HCN1: variants seen among roughly 807,000 people sequenced by gnomAD.
The protein encoded by HCN1 is hyperpolarization activated cyclic nucleotide gated potassium channel 1, also known as potassium/sodium hyperpolarization-activated cyclic nucleotide-gated channel 1.
HCN1 carries 13 observed loss-of-function variants against 78.9 expected under a neutral mutation model. That is an observed-to-expected ratio of 0.16 (90% CI 0.11 to 0.26). HCN1 has a LOEUF of 0.26. Ranked by LOEUF, HCN1 falls within the 10% of genes least tolerant of loss-of-function variation. The pLI is 1.00. For synonymous variants in HCN1, 552 were observed against 455.5 expected (o/e 1.21, Z -2.70); for missense variants, 810 against 1,154.3 (o/e 0.70, Z 4.32).
intron 5 of HCN1, among the ~76,000 whole-genome samples, chr5:45,322,782 C>T (rs956285356): frequency 5.3e-5 from 8 of 151,756 alleles, no homozygotes; most frequent in Non-Finnish European, 7.4e-5. Flanking sequence ...ATTAGGAATG[C>T]TCAACCTGCA....
intron 2 of HCN1, among the ~76,000 whole-genome samples, chr5:45,581,954 T>TG (rs1744086547): frequency 6.6e-6 from 1 of 152,216 alleles, no homozygotes; most frequent in African/African-American, 2.4e-5. Flanking sequence ...TCAGGTAGTG[T>TG]GATGCCTCCA....
At chr5:45,597,545 C>T (rs1365976285) in intron 2 of HCN1, among the ~76,000 whole-genome samples, 1 of 152,154 alleles carries the variant, frequency 6.6e-6, no homozygotes, top group Non-Finnish European at 1.5e-5. Flanking sequence ...TCCTGTTCAA[C>T]ACAGTGTTGG....
chr5:45,532,246 C>A lies in HCN1; in HGVS notation c.850-70239G>T, dbSNP rs77025567. 0.015 allele frequency among the ~76,000 whole-genome samples: 2,236 copies of A among 152,190 alleles called. 220 individuals are homozygous for A. In the East Asian group the frequency reaches 0.27, roughly 18 times the overall value. ...GGACCACAAATCTTATTATTCTTAA[C>A]AAAACAGAGGCTAAAACAATTGTGG... On this transcript the variant is annotated intron_variant, in intron 2 of 7. Coordinates refer to ENST00000303230, the MANE Select transcript of HCN1 (RefSeq NM_021072.4).
chr5:45,359,967 T>TA lies in HCN1; in HGVS notation c.1231-6722dup, dbSNP rs964477842. Among the ~76,000 whole-genome samples the TA allele has an allele frequency of 2.7e-5, 4 of 150,772 alleles. 1 individual carries two copies. The highest frequency in any genetic ancestry group is 1.9e-4 in the East Asian group (1 of 5,180). ...TATATATATATATATATATTTTTTT[T>TA]ACCTTTCAGTTTTTCAGTTTTTTAT... is the stretch of plus-strand genomic sequence containing the variant. On this transcript the variant is annotated intron_variant, in intron 4 of 7. Coordinates refer to ENST00000303230, the MANE Select transcript of HCN1 (RefSeq NM_021072.4).
intron 2 of HCN1, among the ~76,000 whole-genome samples, chr5:45,522,459 A>T (rs1742634473): frequency 6.6e-6 from 1 of 152,064 alleles, no homozygotes; most frequent in Non-Finnish European, 1.5e-5. Context: ...CTCAACACAC[A>T]AACATTCATC....
intron 7 of HCN1, among the ~76,000 whole-genome samples, chr5:45,265,535 C>T (rs539270794): frequency 6.6e-6 from 1 of 152,094 alleles, no homozygotes; most frequent in Non-Finnish European, 1.5e-5. Context: ...CAAATACTGC[C>T]TTTACTTCTA....
At chr5:45,567,643 A>C (rs1379039770) in intron 2 of HCN1, among the ~76,000 whole-genome samples, 2 of 150,012 alleles carry the variant, frequency 1.3e-5, no homozygotes, top group Non-Finnish European at 3.0e-5. Flanking sequence ...GGCATGAAAA[A>C]CATAGCTTTT....
intron 2 of HCN1, chr5:45,643,657 G>A (rs933236521): frequency 6.6e-6 from 1 of 152,204 alleles, no homozygotes; most frequent in African/African-American, 2.4e-5. Context: ...GAATCTGGAC[G>A]AGTTACCTTA....
At chr5:45,410,575 G>C (rs1216639168) in intron 3 of HCN1, among the ~76,000 whole-genome samples, 3 of 151,992 alleles carry the variant, frequency 2.0e-5, no homozygotes, top group Non-Finnish European at 4.4e-5. Flanking sequence ...TTACAGCTAA[G>C]TTATAATTAC....
intron 2 of HCN1, among the ~76,000 whole-genome samples, chr5:45,581,116 G>A (rs1425414093): frequency 6.6e-6 from 1 of 152,206 alleles, no homozygotes; most frequent in Non-Finnish European, 1.5e-5. Flanking sequence ...TCGCCACACT[G>A]ACTTCCACAA....
chr5:45,467,567 G>T (rs941123651), intron 2 of HCN1, among the ~76,000 whole-genome samples: 6 of 152,010 alleles, frequency 3.9e-5, no homozygotes, highest in African/African-American at 1.2e-4. Context: ...GATTACTGGA[G>T]AGCAAACTGT....
chr5:45,277,543 A>C (rs1157114278), intron 6 of HCN1, among the ~76,000 whole-genome samples: 1 of 152,158 alleles, frequency 6.6e-6, no homozygotes, highest in African/African-American at 2.4e-5. Flanking sequence ...TTTGGGAACA[A>C]ATAAAGCAAA....
intron 4 of HCN1, among the ~76,000 whole-genome samples, chr5:45,363,932 C>T (rs1230059916): frequency 6.6e-6 from 1 of 152,002 alleles, no homozygotes; most frequent in Non-Finnish European, 1.5e-5. Flanking sequence ...TGGGCTAATA[C>T]ACGTGGTCTT....
chr5:45,262,081 C>T lies in HCN1; in HGVS notation c.2513G>A (p.Arg838His), dbSNP rs1744752177. Residue 838 changes from arginine to histidine, a missense_variant, in exon 8 of 8, where the codon CGC (arginine) becomes CAC (histidine). Physicochemically the swap from Arg to His is conservative, Grantham distance 29. Around this residue, in one of 6 missense-constraint regions of HCN1, gnomAD observed 398 missense variants for 381.3 expected, o/e 1.04. Coordinates refer to ENST00000303230, the MANE Select transcript of HCN1 (RefSeq NM_021072.4). ...CGACATCTGTCGGAAGAGGGTGACG[C>T]GCTGCGGGACAGTGCTCCTGCCCCC... ...QAGGRSTVPQ[R>H]VTLFRQMSSG... 1.9e-6 allele frequency: 3 copies of T among 1,613,032 alleles called. No individual in the cohort carries two copies. Among genetic ancestry groups the T allele is most frequent in the Non-Finnish European group, 2.5e-6 (3 of 1,179,456 alleles).
chr5:45,384,033 A>G (rs1747866636), intron 4 of HCN1, among the ~76,000 whole-genome samples: 1 of 152,176 alleles, frequency 6.6e-6, no homozygotes, highest in African/African-American at 2.4e-5. Context: ...AATGTTCTGT[A>G]TCCTAGAAAA....
intron 4 of HCN1, among the ~76,000 whole-genome samples, chr5:45,371,148 T>C (rs934386458): frequency 2.0e-5 from 3 of 152,014 alleles, no homozygotes; most frequent in African/African-American, 7.2e-5. Flanking sequence ...GGGAAGTTTA[T>C]AACACCAAAT....
At chr5:45,547,551 CT>C (rs1743255438) in intron 2 of HCN1, among the ~76,000 whole-genome samples, 2 of 151,864 alleles carry the variant, frequency 1.3e-5, no homozygotes, top group Admixed American at 1.3e-4. Context: ...CTCACCTATC[CT>C]CTTCATATGA....
intron 2 of HCN1, among the ~76,000 whole-genome samples, chr5:45,592,782 T>C (rs1336594125): frequency 6.6e-6 from 1 of 152,170 alleles, no homozygotes; most frequent in Admixed American, 6.6e-5. Flanking sequence ...GAATAAGGCC[T>C]TATAAACCAC....
intron 2 of HCN1, among the ~76,000 whole-genome samples, chr5:45,481,361 T>C (rs1354013378): frequency 6.6e-6 from 1 of 152,218 alleles, no homozygotes; most frequent in African/African-American, 2.4e-5. Flanking sequence ...TCAAACTAGA[T>C]ATGAATCTCA....
Sources: gnomAD v4.1 joint callset for allele counts (sites outside exome capture counted in the v4.1 genomes callset) on GRCh38, gnomAD v4.1.1 for gene constraint, gnomAD v4.1.1 regional missense constraint, MANE v1.5 for transcripts, NCBI Gene and HGNC (gene_info 2026-07-23, HGNC 2026-07-21) for gene names.